PFDN1: variants seen among roughly 807,000 people sequenced by gnomAD.
The protein encoded by PFDN1 is prefoldin subunit 1.
A neutral mutation model predicts 17.3 loss-of-function variants in PFDN1; 6 were observed. The observed-to-expected ratio is 0.35, with a 90% CI of 0.19 to 0.69. The LOEUF (loss-of-function observed/expected upper bound fraction) is 0.69, where lower values mean the gene tolerates loss of function less well. Among genes scored for constraint, PFDN1 ranks in the 30% least tolerant of loss-of-function variants. PFDN1 has a pLI of 0.65. For synonymous variants in PFDN1, 58 were observed against 50.1 expected (o/e 1.16, Z -0.67); for missense variants, 113 against 146.2 (o/e 0.77, Z 1.17).
chr5:140,302,796 G>C (rs573867114), intron 1 of PFDN1, among the ~76,000 whole-genome samples: 114 of 152,158 alleles, frequency 7.5e-4, no homozygotes, highest in African/African-American at 2.7e-3. Flanking sequence ...AGAAAGACTG[G>C]ACAAGCCCGA....
chr5:140,288,231 C>T (rs568337996), intron 2 of PFDN1, among the ~76,000 whole-genome samples: 38 of 152,198 alleles, frequency 2.5e-4, no homozygotes, highest in African/African-American at 8.7e-4. Context: ...GACGACAAAA[C>T]GAAATGAGGT....
Position 140,245,718 on chromosome 5 carries a change from A to G in PFDN1, c.*256T>C. ...AGCTTCCTATCTTGCCCTGGCTCCC[A>G]TCTTCCCTCTCCTGGGAGTTCATCA... is the stretch of plus-strand genomic sequence containing the variant. On this transcript the variant is annotated 3_prime_UTR_variant, in exon 4 of 4. Transcript: ENST00000261813. 1.6e-6 allele frequency: 1 copy of G among 614,854 alleles called. No homozygotes were observed. The highest frequency in any genetic ancestry group is 2.9e-6 in the Non-Finnish European group (1 of 345,916). 38.1% of individuals were successfully genotyped at this position (614,854 alleles called of 1,614,324 possible).
intron 3 of PFDN1, among the ~76,000 whole-genome samples, chr5:140,249,837 C>T (rs1764886201): frequency 1.3e-5 from 2 of 152,092 alleles, no homozygotes; most frequent in African/African-American, 4.8e-5. Context: ...AGAATGGTAC[C>T]AAGCCATACA....
chr5:140,289,384 C>A (rs1263043958), intron 2 of PFDN1, among the ~76,000 whole-genome samples: 2 of 152,126 alleles, frequency 1.3e-5, no homozygotes, highest in Non-Finnish European at 2.9e-5. Flanking sequence ...AGCACCTAGA[C>A]CCTGTCATAC....
At chr5:140,301,340 C>A (rs1765742888) in intron 1 of PFDN1, among the ~76,000 whole-genome samples, 1 of 152,176 alleles carries the variant, frequency 6.6e-6, no homozygotes, top group South Asian at 2.1e-4. Context: ...TCCACAGATA[C>A]CAGGCCAAAT....
Position 140,297,981 on chromosome 5 carries a change from A to ATTTAT in PFDN1, c.200+2434_200+2435insATAAA, listed in dbSNP as rs1765678671. ...CATTACTGTTTTAAGACCTAAGGAT[A>ATTTAT]TTCACATTAAGGATAAAATTATCCT... On this transcript the variant is annotated intron_variant, in intron 2 of 3. Coordinates refer to ENST00000261813, the MANE Select transcript of PFDN1 (RefSeq NM_002622.5). Among the ~76,000 whole-genome samples, 10 of 152,362 alleles carry ATTTAT rather than the reference A, an allele frequency of 6.6e-5. No homozygotes were observed. In the South Asian group the frequency reaches 2.1e-3, roughly 32 times the overall value.
At chr5:140,282,321 A>G (rs770293554) in intron 2 of PFDN1, among the ~76,000 whole-genome samples, 15 of 152,008 alleles carry the variant, frequency 9.9e-5, no homozygotes, top group East Asian at 1.9e-4. Context: ...CAAATACCCT[A>G]TAAGTTTTGT....
intron 2 of PFDN1, among the ~76,000 whole-genome samples, chr5:140,299,518 A>G (rs549564091): frequency 6.6e-6 from 1 of 151,558 alleles, no homozygotes; most frequent in East Asian, 2.0e-4. Flanking sequence ...AATTGTTTGA[A>G]CCCAAGAGGC....
chr5:140,297,515 C>T (rs769618451), intron 2 of PFDN1, among the ~76,000 whole-genome samples: 1 of 152,190 alleles, frequency 6.6e-6, no homozygotes, highest in Non-Finnish European at 1.5e-5. Flanking sequence ...AACTCATACT[C>T]CCGGTGAGAT....
At chr5:140,277,221 C>T (rs1363174875) in intron 3 of PFDN1, among the ~76,000 whole-genome samples, 1 of 147,654 alleles carries the variant, frequency 6.8e-6, no homozygotes, top group Non-Finnish European at 1.5e-5. Context: ...ATCAAAACTC[C>T]GTCTCAAAAA....
intron 3 of PFDN1, among the ~76,000 whole-genome samples, chr5:140,269,728 A>G (rs1765179460): frequency 6.6e-6 from 1 of 152,194 alleles, no homozygotes; most frequent in Non-Finnish European, 1.5e-5. Flanking sequence ...CCTAAAATGG[A>G]AACTCAGAAA....
intron 3 of PFDN1, among the ~76,000 whole-genome samples, chr5:140,269,599 G>A (rs781202726): frequency 5.3e-5 from 8 of 152,166 alleles, no homozygotes; most frequent in African/African-American, 1.2e-4. Flanking sequence ...GATTATAGGC[G>A]TGAGCCACCG....
At chr5:140,290,352 A>G (rs1211163193) in intron 2 of PFDN1, among the ~76,000 whole-genome samples, 1 of 152,122 alleles carries the variant, frequency 6.6e-6, no homozygotes, top group African/African-American at 2.4e-5. Flanking sequence ...GCACTTTCTC[A>G]CTCTGGTTGT....
At chr5:140,299,369 C>T (rs973184821) in intron 2 of PFDN1, among the ~76,000 whole-genome samples, 9 of 152,098 alleles carry the variant, frequency 5.9e-5, no homozygotes, top group Admixed American at 4.6e-4. Flanking sequence ...CTGTGGGAGG[C>T]CAAGGCGGGC....
intron 2 of PFDN1, 75 bp from the exon 3 acceptor site, chr5:140,281,608 A>G: frequency 1.3e-6 from 1 of 760,988 alleles, no homozygotes; most frequent in Non-Finnish European, 2.4e-6. Flanking sequence ...TACATACTAC[A>G]AATATTAAAC....
At chr5:140,261,624 C>T (rs919005346) in intron 3 of PFDN1, among the ~76,000 whole-genome samples, 2 of 152,146 alleles carry the variant, frequency 1.3e-5, no homozygotes, top group African/African-American at 2.4e-5. Context: ...CAGCAGAGGG[C>T]AGAACTGGAG....
Position 140,245,524 on chromosome 5 carries a change from C to A in PFDN1, c.*450G>T. The A allele has an allele frequency of 1.4e-6, 1 of 702,622 alleles. No homozygotes were observed. The highest frequency in any genetic ancestry group is 2.6e-6 in the Non-Finnish European group (1 of 385,014). The allele number at this position is 702,622 out of a possible 1,614,324, so 43.5% of individuals were successfully genotyped here. A position where few individuals can be genotyped will look rare whatever the true frequency, so the allele number is the denominator to read the frequency against. On this transcript the variant is annotated 3_prime_UTR_variant, in exon 4 of 4. Coordinates refer to ENST00000261813, the MANE Select transcript of PFDN1 (RefSeq NM_002622.5). ...AAGAGAAGAGGGCAAGGCCCATCCC[C>A]CAAGAAAGGAAGGGCTCTGATGCAG...
At chr5:140,301,801 GAAGAA>G (rs1462943228) in intron 1 of PFDN1, among the ~76,000 whole-genome samples, 1 of 152,172 alleles carries the variant, frequency 6.6e-6, no homozygotes, top group Non-Finnish European at 1.5e-5. Flanking sequence ...ACTTTTAACA[GAAGAA>G]AAGGTAAATT....
At chr5:140,289,788 GTT>G (rs1276235232) in intron 2 of PFDN1, among the ~76,000 whole-genome samples, 1 of 152,088 alleles carries the variant, frequency 6.6e-6, no homozygotes, top group Admixed American at 6.5e-5. Context: ...CCTATAAGTA[GTT>G]TCACCATCTC....
Sources: allele counts gnomAD v4.1 joint callset (sites outside exome capture counted in the v4.1 genomes callset), GRCh38; gene constraint gnomAD v4.1.1; transcripts MANE v1.5; gene names NCBI Gene and HGNC (gene_info 2026-07-23, HGNC 2026-07-21).